MID2: variants seen among roughly 807,000 people sequenced by gnomAD.
MID2 encodes midline 2.
A neutral mutation model predicts 46.1 loss-of-function variants in MID2; 13 were observed. That is an observed-to-expected ratio of 0.28 (90% CI 0.18 to 0.45). The LOEUF is 0.45. Among genes scored for constraint, MID2 ranks in the 20% least tolerant of loss-of-function variants. The pLI, the probability that MID2 is intolerant of heterozygous loss-of-function variation, is 1.00. For missense variants in MID2, 431 were observed against 575.4 expected (o/e 0.75, Z 2.57); for synonymous variants, 199 against 212.3 (o/e 0.94, Z 0.55).
At chrX:107,873,513 C>T in intron 3 of MID2, among the ~76,000 whole-genome samples, 1 of 112,403 alleles carries the variant, frequency 8.9e-6, no homozygotes, top group Non-Finnish European at 1.9e-5. Flanking sequence ...CATTGGTCAG[C>T]AGCCTGTAGA....
intron 2 of MID2, among the ~76,000 whole-genome samples, chrX:107,853,467 A>T (rs368096300): frequency 1.8e-4 from 20 of 109,578 alleles, no homozygotes; most frequent in African/African-American, 6.3e-4. Flanking sequence ...GCCCAACTAA[A>T]TTTTGCATTT....
At chrX:107,907,941 C>T (rs1193186872) in intron 5 of MID2, among the ~76,000 whole-genome samples, 1 of 111,796 alleles carries the variant, frequency 8.9e-6, no homozygotes, top group Non-Finnish European at 1.9e-5. Context: ...TATTAACTCA[C>T]TTAATCCTCA....
chrX:107,840,734 A>C lies in MID2; in HGVS notation c.69A>C (p.Thr23=), dbSNP rs750920390. 6 of 1,211,773 alleles carry C rather than the reference A, an allele frequency of 5.0e-6. No homozygotes were observed. Among genetic ancestry groups the C allele is most frequent in the Non-Finnish European group, 6.7e-6 (6 of 895,500 alleles). Residue 23 remains threonine (T), a synonymous_variant, in exon 2 of 10, where the codon ACA becomes ACC. Coordinates refer to ENST00000262843, the MANE Select transcript of MID2 (RefSeq NM_012216.4). ...SGGLFSLKME[T]LESELTCPIC... is the part of the protein sequence containing the mutation. Reference sequence around the variant, plus strand: ...GACTATTTTCACTAAAGATGGAAACACTGGAGTCTGAATTGACCTGTCCAA... The same window carrying C: ...GACTATTTTCACTAAAGATGGAAACCCTGGAGTCTGAATTGACCTGTCCAA...
At chrX:107,892,228 C>T (rs1454702316) in intron 3 of MID2, among the ~76,000 whole-genome samples, 2 of 111,918 alleles carry the variant, frequency 1.8e-5, no homozygotes, top group African/African-American at 6.5e-5. Context: ...TTGCTTTGTT[C>T]TCCTCCCTTT....
chrX:107,923,346 G>C (rs2147875145), intron 7 of MID2, among the ~76,000 whole-genome samples: 1 of 112,141 alleles, frequency 8.9e-6, no homozygotes, highest in South Asian at 3.7e-4. Context: ...CTGCAGACTA[G>C]AATGTTGGTT....
intron 2 of MID2, among the ~76,000 whole-genome samples, chrX:107,842,221 C>T (rs1288032921): frequency 8.9e-6 from 1 of 111,826 alleles, no homozygotes; most frequent in East Asian, 2.8e-4. Flanking sequence ...ATTCAATGGA[C>T]AGAGTTTTCT....
chrX:107,849,410 T>C (rs182546036), intron 2 of MID2, among the ~76,000 whole-genome samples: 2 of 110,510 alleles, frequency 1.8e-5, no homozygotes, highest in East Asian at 5.7e-4. Context: ...GGTGTCTTGA[T>C]GTACGCCTAG....
chrX:107,885,562 A>C (rs911344821), intron 3 of MID2, among the ~76,000 whole-genome samples: 11 of 111,455 alleles, frequency 9.9e-5, no homozygotes, highest in Non-Finnish European at 2.1e-4. Context: ...TGCTATTGTG[A>C]ATAGTGCCAC....
At chrX:107,852,844 C>CCATCCACT (rs1435597118) in intron 2 of MID2, among the ~76,000 whole-genome samples, 3 of 111,822 alleles carry the variant, frequency 2.7e-5, no homozygotes, top group Non-Finnish European at 5.6e-5. Context: ...CCACATCCCC[C>CCATCCACT]CATCCACTTT....
At chrX:107,845,521 A>ACTCTCTCT (rs1393665429) in intron 2 of MID2, among the ~76,000 whole-genome samples, 1,027 of 85,308 alleles carry the variant, frequency 0.012, 19 homozygotes, top group African/African-American at 0.045. Flanking sequence ...ACACACACAC[A>ACTCTCTCT]CACACTCTCT....
chrX:107,926,237 G>T lies in MID2; in HGVS notation c.1741G>T (p.Ala581Ser). ...RFSGTGCYGA[A>S]GNIFIDSGCH... Reference sequence around the variant, plus strand: ...TAGTGGCACAGGGTGCTATGGGGCAGCAGGAAATATATTCATTGACAGTGG... The same window carrying T: ...TAGTGGCACAGGGTGCTATGGGGCATCAGGAAATATATTCATTGACAGTGG... The change falls in exon 9 of 10, where the codon GCA (alanine) becomes TCA (serine). Residue 581 changes from alanine (A) to serine (S), a missense_variant. By Grantham distance (99) the Ala-to-Ser change is moderately conservative. Coordinates refer to ENST00000262843, the MANE Select transcript of MID2 (RefSeq NM_012216.4). 8.3e-7 allele frequency: 1 copy of T among 1,210,368 alleles called. No homozygotes were observed. The highest frequency in any genetic ancestry group is 1.1e-6 in the Non-Finnish European group (1 of 894,877).
At chrX:107,851,476 A>G (rs140956023) in intron 2 of MID2, among the ~76,000 whole-genome samples, 2,231 of 111,396 alleles carry the variant, frequency 0.02, 65 homozygotes, top group African/African-American at 0.069. Flanking sequence ...CCAGACTTGC[A>G]TTACCCTACG....
At chrX:107,858,853 GA>G (rs778154085) in intron 3 of MID2, among the ~76,000 whole-genome samples, 3 of 112,157 alleles carry the variant, frequency 2.7e-5, no homozygotes, top group African/African-American at 9.7e-5. Flanking sequence ...ATCCATCCCA[GA>G]AGCTCCATGG....
rs993229479 is a variant in MID2 at position 107,927,132 on chromosome X, A to C, written c.*59A>C. On this transcript the variant is annotated 3_prime_UTR_variant, in exon 10 of 10. Coordinates refer to ENST00000262843, the MANE Select transcript of MID2 (RefSeq NM_012216.4). ...AGTTCAGCAGTTCTTCCCCTCCTACACCTAAGTTAGCGTTCAATATACGAG... is the reference window on the plus strand; with the variant it reads ...AGTTCAGCAGTTCTTCCCCTCCTACCCCTAAGTTAGCGTTCAATATACGAG... 12 of 1,025,663 alleles carry C rather than the reference A, an allele frequency of 1.2e-5. No homozygotes were observed. In the African/African-American group the frequency reaches 1.9e-4, roughly 16 times the overall value. The allele number at this position is 1,025,663 out of a possible 1,213,427, so 84.5% of individuals were successfully genotyped here.
At chrX:107,836,473 G>A (rs188086657) in intron 1 of MID2, among the ~76,000 whole-genome samples, 1,454 of 110,853 alleles carry the variant, frequency 0.013, 13 homozygotes, top group South Asian at 0.028. Flanking sequence ...GGATGGTCTC[G>A]ATCTCCTGAC....
At chrX:107,879,662 G>A (rs2147848465) in intron 3 of MID2, among the ~76,000 whole-genome samples, 1 of 111,521 alleles carries the variant, frequency 9.0e-6, no homozygotes, top group African/African-American at 3.3e-5. Context: ...CTTGAGGGTG[G>A]GACGCTTGCC....
intron 7 of MID2, among the ~76,000 whole-genome samples, chrX:107,924,089 T>G (rs1933123769): frequency 8.9e-6 from 1 of 112,098 alleles, no homozygotes; most frequent in Admixed American, 9.4e-5. Flanking sequence ...GGAAAGAAAT[T>G]GAAATAACCT....
At chrX:107,868,238 T>G (rs755332028) in intron 3 of MID2, among the ~76,000 whole-genome samples, 18 of 111,807 alleles carry the variant, frequency 1.6e-4, no homozygotes, top group South Asian at 1.5e-3. Flanking sequence ...GTGCTAGAAC[T>G]CTCAGAATGC....
intron 1 of MID2, among the ~76,000 whole-genome samples, chrX:107,833,944 C>G (rs1209101187): frequency 9.0e-6 from 1 of 110,589 alleles, no homozygotes; most frequent in Non-Finnish European, 1.9e-5. Context: ...CAGGTGCATG[C>G]CACCACACCC....
Sources: allele counts gnomAD v4.1 joint callset (sites outside exome capture counted in the v4.1 genomes callset), GRCh38; gene constraint gnomAD v4.1.1; transcripts MANE v1.5; gene names NCBI Gene and HGNC (gene_info 2026-07-23, HGNC 2026-07-21).